Variants in ASB4 observed in about 807,000 individuals in gnomAD.
ASB4 encodes the protein ankyrin repeat and SOCS box containing 4, also known as ankyrin repeat and SOCS box protein 4.
Under a neutral mutation model 38.6 loss-of-function variants are expected in ASB4, and 35 were observed. The ratio of observed to expected loss-of-function variants is 0.91; its 90% CI spans 0.69 to 1.20. The LOEUF is 1.20. ASB4 is among the 50% of genes most tolerant of loss of function. The pLI is 0.00. For missense variants in ASB4, 557 were observed against 527.2 expected (o/e 1.06, Z -0.55); for synonymous variants, 195 against 201.3 (o/e 0.97, Z 0.26).
chr7:95,526,751 A>G (rs1431499444), intron 2 of ASB4, among the ~76,000 whole-genome samples: 2 of 152,214 alleles, frequency 1.3e-5, no homozygotes, highest in Non-Finnish European at 2.9e-5. Flanking sequence ...TACTAGCATA[A>G]TAATAACAAT....
intron 1 of ASB4, among the ~76,000 whole-genome samples, chr7:95,489,698 C>T (rs3801919): frequency 0.2 from 30,260 of 151,914 alleles, 3,230 homozygotes; most frequent in Middle Eastern, 0.34. Flanking sequence ...AAAATAAAAA[C>T]GATATAAAGA....
intron 1 of ASB4, among the ~76,000 whole-genome samples, chr7:95,492,651 C>G (rs948063876): frequency 6.6e-6 from 1 of 152,186 alleles, no homozygotes. Flanking sequence ...TCTGCTGCTT[C>G]CTTTCTGGGA....
At chr7:95,506,008 C>A (rs902508251) in intron 2 of ASB4, among the ~76,000 whole-genome samples, 1 of 152,110 alleles carries the variant, frequency 6.6e-6, no homozygotes, top group African/African-American at 2.4e-5. Context: ...GTCCTCCCAC[C>A]TCAGCCTCCC....
At chr7:95,515,244 T>TTTCC (rs1562817101) in intron 2 of ASB4, among the ~76,000 whole-genome samples, 133 of 141,328 alleles carry the variant, frequency 9.4e-4, no homozygotes, top group Admixed American at 1.7e-3. Context: ...TCTTTCTTTC[T>TTTCC]TTCTTTCCTT....
chr7:95,534,478 C>T (rs1040322788), intron 3 of ASB4, among the ~76,000 whole-genome samples: 1 of 152,084 alleles, frequency 6.6e-6, no homozygotes, highest in Non-Finnish European at 1.5e-5. Flanking sequence ...TTTCTTCCTC[C>T]TATCTGATTA....
At chr7:95,543,735 A>G (rs949015166), downstream of ASB4, 1 of 152,242 alleles carries the variant, frequency 6.6e-6, no homozygotes, top group Non-Finnish European at 1.5e-5. Flanking sequence ...GTAGATGAAC[A>G]TTTGTTGTGT....
intron 2 of ASB4, among the ~76,000 whole-genome samples, chr7:95,506,532 A>G (rs746520954): frequency 1.3e-5 from 2 of 152,204 alleles, no homozygotes; most frequent in Admixed American, 6.5e-5. Context: ...GACTTAGAGT[A>G]GAATTCTAGA....
At chr7:95,487,507 C>T (rs1392584743) in intron 1 of ASB4, among the ~76,000 whole-genome samples, 1 of 152,152 alleles carries the variant, frequency 6.6e-6, no homozygotes, top group Non-Finnish European at 1.5e-5. Context: ...GTTGCAAAGA[C>T]TGTCTTCTCT....
chr7:95,518,862 G>T, intron 2 of ASB4, among the ~76,000 whole-genome samples: 1 of 152,204 alleles, frequency 6.6e-6, no homozygotes, highest in Admixed American at 6.5e-5. Flanking sequence ...GAGATAAAAG[G>T]AAGACTTGAG....
chr7:95,484,330 CA>C (rs549687405), upstream of ASB4, among the ~76,000 whole-genome samples: 5 of 149,250 alleles, frequency 3.4e-5, no homozygotes, highest in East Asian at 2.0e-4. Context: ...GATCCTGTCT[CA>C]AAAAAAAATA....
At chr7:95,530,962 G>GTGC (rs1790812359) in intron 3 of ASB4, among the ~76,000 whole-genome samples, 1 of 152,174 alleles carries the variant, frequency 6.6e-6, no homozygotes, top group Non-Finnish European at 1.5e-5. Context: ...ACTTACTTAA[G>GTGC]AGTGTGATTA....
rs116210868 is a variant in ASB4, at chr7:95,518,041, G to A, written c.488-9772G>A. On this transcript the variant is annotated intron_variant, in intron 2 of 4. Coordinates refer to ENST00000325885, the MANE Select transcript of ASB4 (RefSeq NM_016116.3). Reference sequence around the variant, plus strand: ...GGAAGGTGTTGGTCTTAAATTGGAGGAGAGACCCTACTTCCCCTAAAAGGA... The same window carrying A: ...GGAAGGTGTTGGTCTTAAATTGGAGAAGAGACCCTACTTCCCCTAAAAGGA... 7.9e-3 allele frequency among the ~76,000 whole-genome samples: 1,210 copies of A among 152,236 alleles called. 20 individuals carry two copies. Among genetic ancestry groups the A allele is most frequent in the African/African-American group, 0.028 (1,160 of 41,542 alleles).
chr7:95,476,001 C>T (rs765998348), upstream of ASB4, among the ~76,000 whole-genome samples: 9 of 152,218 alleles, frequency 5.9e-5, no homozygotes, highest in African/African-American at 9.6e-5. Flanking sequence ...AATACCATTT[C>T]CTCTGTGAAA....
intron 2 of ASB4, among the ~76,000 whole-genome samples, chr7:95,515,240 T>C (rs1472765359): frequency 2.9e-4 from 42 of 145,420 alleles, no homozygotes; most frequent in Middle Eastern, 3.4e-3. Flanking sequence ...TTTTTCTTTC[T>C]TTCTTTCTTT....
Position 95,527,882 on chromosome 7 carries a change from G to A in ASB4, c.557G>A (p.Gly186Asp), listed in dbSNP as rs781301858. 2 of 1,613,856 alleles carry A rather than the reference G, an allele frequency of 1.2e-6. No homozygotes were observed. Among genetic ancestry groups the A allele is most frequent in the Non-Finnish European group, 1.7e-6 (2 of 1,179,930 alleles). ...ETPLHTAAHF[G>D]LSELVAFYVE... ...CCCTTGCACACGGCTGCCCACTTCGGCCTTTCGGAGCTGGTGGCCTTCTAC... is the reference window on the plus strand; with the variant it reads ...CCCTTGCACACGGCTGCCCACTTCGACCTTTCGGAGCTGGTGGCCTTCTAC... Residue 186 changes from glycine (G) to aspartate (D), a missense_variant, in exon 3 of 5, where the codon GGC (glycine) becomes GAC (aspartate). Coordinates refer to ENST00000325885, the MANE Select transcript of ASB4 (RefSeq NM_016116.3).
At chr7:95,499,081 TG>T (rs1263881455) in intron 2 of ASB4, among the ~76,000 whole-genome samples, 3 of 152,130 alleles carry the variant, frequency 2.0e-5, no homozygotes, top group African/African-American at 7.2e-5. Flanking sequence ...TCAGATAGAG[TG>T]AGTCCTCCTA....
At chr7:95,474,881 C>A (rs1018573874), upstream of ASB4, among the ~76,000 whole-genome samples, 29 of 151,996 alleles carry the variant, frequency 1.9e-4, no homozygotes, top group African/African-American at 6.8e-4. Flanking sequence ...ATGGTTTTAC[C>A]CCAAATAGGC....
intron 2 of ASB4, among the ~76,000 whole-genome samples, chr7:95,507,339 G>A (rs1322622939): frequency 6.6e-6 from 1 of 151,830 alleles, no homozygotes; most frequent in East Asian, 1.9e-4. Context: ...GGCTGGGGAT[G>A]CAAATACAGC....
At chr7:95,511,934 T>C (rs1169534944) in intron 2 of ASB4, among the ~76,000 whole-genome samples, 1 of 152,208 alleles carries the variant, frequency 6.6e-6, no homozygotes, top group Non-Finnish European at 1.5e-5. Context: ...TAAATTAGTC[T>C]CGGGACTGCC....
Sources: gnomAD v4.1 joint callset for allele counts (sites outside exome capture counted in the v4.1 genomes callset) on GRCh38, gnomAD v4.1.1 for gene constraint, MANE v1.5 for transcripts, NCBI Gene and HGNC (gene_info 2026-07-23, HGNC 2026-07-21) for gene names.